The following CRADD variants were observed in gnomAD, a reference collection of about 807,000 sequenced individuals.
The protein encoded by CRADD is death domain-containing protein CRADD.
Under a neutral mutation model 15.5 loss-of-function variants are expected in CRADD, and 9 were observed. That is an observed-to-expected ratio of 0.58 (90% CI 0.35 to 1.01). The LOEUF is 1.01. Ranked by LOEUF, CRADD falls within the 50% of genes least tolerant of loss-of-function variation. The probability of loss-of-function intolerance (pLI) is 0.02; values close to 1 mark genes in which losing one functional copy is unlikely to be tolerated. For synonymous variants in CRADD, 118 were observed against 107.6 expected (o/e 1.10, Z -0.60); for missense variants, 227 against 250.3 (o/e 0.91, Z 0.63).
intron 2 of CRADD, among the ~76,000 whole-genome samples, chr12:93,745,324 G>GA (rs886816890): frequency 6.6e-6 from 1 of 151,880 alleles, no homozygotes; most frequent in East Asian, 1.9e-4. Context: ...GAAATTACTG[G>GA]AAAAAAAATA....
At chr12:93,679,261 C>CAA (rs1331192977) in intron 2 of CRADD, among the ~76,000 whole-genome samples, 189 bp downstream of exon 2, 1 of 152,174 alleles carries the variant, frequency 6.6e-6, no homozygotes, top group Admixed American at 6.5e-5. Context: ...CTTGCTTCAG[C>CAA]CTCCCGAGTT....
At chr12:93,705,031 C>T (rs114802045) in intron 2 of CRADD, among the ~76,000 whole-genome samples, 1,869 of 152,332 alleles carry the variant, frequency 0.012, 28 homozygotes, top group African/African-American at 0.042. Context: ...TTGTTTCTTG[C>T]ACAGCATTTA....
At chr12:93,858,175 C>A (rs1958290329) in intron 2 of CRADD, among the ~76,000 whole-genome samples, 1 of 152,236 alleles carries the variant, frequency 6.6e-6, no homozygotes, top group Admixed American at 6.5e-5. Context: ...ACCCTCCCAA[C>A]ACAAATCCCC....
chr12:93,874,845 C>T lies in CRADD; in HGVS notation c.299-19205C>T, dbSNP rs181224405. Among the ~76,000 whole-genome samples, 232 of 152,014 alleles carry T rather than the reference C, an allele frequency of 1.5e-3. 2 individuals are homozygous for T. Among genetic ancestry groups the T allele is most frequent in the Middle Eastern group, 3.4e-3 (1 of 294 alleles). On this transcript the variant is annotated intron_variant, in intron 2 of 2. Coordinates refer to the CRADD transcript ENST00000548483. ...CTTGTTTTGTGACCTAACATATGGC[C>T]TATCCTTCAGAATGATCAATGTGCT...
chr12:93,685,772 A>T (rs1433551271), intron 2 of CRADD, among the ~76,000 whole-genome samples: 3 of 152,160 alleles, frequency 2.0e-5, no homozygotes, highest in Non-Finnish European at 4.4e-5. Context: ...CGGGCAGATC[A>T]CCTGAGGTCA....
At chr12:93,813,726 T>C (rs1161445742) in intron 2 of CRADD, among the ~76,000 whole-genome samples, 1 of 152,158 alleles carries the variant, frequency 6.6e-6, no homozygotes, top group Non-Finnish European at 1.5e-5. Flanking sequence ...ACCTGGGTTC[T>C]GTGGACATTA....
At chr12:93,817,341 C>T (rs865878189) in intron 2 of CRADD, among the ~76,000 whole-genome samples, 3 of 152,092 alleles carry the variant, frequency 2.0e-5, no homozygotes, top group Admixed American at 6.5e-5. Context: ...GAGTCGGGTT[C>T]GGGACAGGGA....
chr12:93,894,300 T>A, exon 3 of CRADD: 1 of 601,954 alleles, frequency 1.7e-6, no homozygotes, highest in Non-Finnish European at 3.0e-6. Context: ...TATGTTGGCA[T>A]CTAGTGAGTA....
At chr12:93,847,512 A>AC (rs1402434921) in intron 2 of CRADD, among the ~76,000 whole-genome samples, 3 of 148,230 alleles carry the variant, frequency 2.0e-5, no homozygotes, top group Non-Finnish European at 3.0e-5. Context: ...AAAAAAAAAA[A>AC]AAAAAAAAAC....
chr12:93,766,509 G>A (rs1399962418), intron 2 of CRADD, among the ~76,000 whole-genome samples: 1 of 152,208 alleles, frequency 6.6e-6, no homozygotes, highest in Non-Finnish European at 1.5e-5. Context: ...TGTGTTATCT[G>A]ATTTGAACTT....
At chr12:93,845,137 T>A (rs1317894384) in intron 2 of CRADD, among the ~76,000 whole-genome samples, 1 of 152,034 alleles carries the variant, frequency 6.6e-6, no homozygotes, top group African/African-American at 2.4e-5. Context: ...TTAACTCCCC[T>A]CCAAAAGAGG....
chr12:93,788,206 C>T (rs992827193), intron 2 of CRADD, among the ~76,000 whole-genome samples: 2 of 152,164 alleles, frequency 1.3e-5, no homozygotes, highest in South Asian at 2.1e-4. Context: ...GGGGAGGCCT[C>T]GGGAATTATG....
Position 93,835,027 on chromosome 12 carries a change from T to C in CRADD, c.299-14943T>C, listed in dbSNP as rs909675523. Reference sequence around the variant, plus strand: ...AATTCTCTATAAACACTGCATCCTTTATTGCCTGCATCTGAAGCAAACCAT... The same window carrying C: ...AATTCTCTATAAACACTGCATCCTTCATTGCCTGCATCTGAAGCAAACCAT... On this transcript the variant is annotated intron_variant, in intron 2 of 2. Coordinates refer to ENST00000332896, the MANE Select transcript of CRADD (RefSeq NM_003805.5). Among the ~76,000 whole-genome samples the C allele has an allele frequency of 2.6e-5, 4 of 152,390 alleles. No individual in the cohort carries two copies. The East Asian group carries it at 7.7e-4, about 29-fold the overall frequency.
At chr12:93,701,399 T>G (rs1001270796) in intron 2 of CRADD, among the ~76,000 whole-genome samples, 5 of 152,022 alleles carry the variant, frequency 3.3e-5, no homozygotes, top group African/African-American at 9.7e-5. Context: ...GGCCAAGGCT[T>G]CTTCTCTCTT....
At chr12:93,729,049 A>G (rs966858448) in intron 2 of CRADD, among the ~76,000 whole-genome samples, 2 of 152,144 alleles carry the variant, frequency 1.3e-5, no homozygotes, top group African/African-American at 4.8e-5. Flanking sequence ...ATTCATGTAA[A>G]TTTCCACAGC....
chr12:93,689,350 G>A (rs1955512902), intron 2 of CRADD, among the ~76,000 whole-genome samples: 1 of 152,130 alleles, frequency 6.6e-6, no homozygotes, highest in South Asian at 2.1e-4. Context: ...GGGAATGTTT[G>A]CTTTACATAA....
Position 93,850,155 on chromosome 12 carries a change from G to A in CRADD, c.484G>A (p.Glu162Lys), listed in dbSNP as rs750216845. Reference protein sequence around the residue: ...HPHNVQSQVVEAFIRWRQRFG... With the variant: ...HPHNVQSQVVKAFIRWRQRFG... ...CCACAACGTGCAGTCGCAGGTGGTGGAGGCCTTCATCCGTTGGCGGCAGCG... is the reference window on the plus strand; with the variant it reads ...CCACAACGTGCAGTCGCAGGTGGTGAAGGCCTTCATCCGTTGGCGGCAGCG... Residue 162 changes from glutamate to lysine, a missense_variant, in exon 3 of 3, where the codon GAG (glutamate) becomes AAG (lysine). Transcript: ENST00000332896. The surrounding 1 kb of genome is among the most constrained non-coding windows in gnomAD (Gnocchi z 4.0). The A allele has an allele frequency of 1.9e-6, 3 of 1,613,870 alleles. No individual in the cohort carries two copies. Among genetic ancestry groups the A allele is most frequent in the South Asian group, 1.1e-5 (1 of 91,068 alleles).
chr12:93,769,014 G>A (rs1470141792), intron 2 of CRADD, among the ~76,000 whole-genome samples: 1 of 151,810 alleles, frequency 6.6e-6, no homozygotes, highest in Non-Finnish European at 1.5e-5. Context: ...TCTCATTGCA[G>A]TTTATTATTT....
intron 2 of CRADD, among the ~76,000 whole-genome samples, chr12:93,808,654 C>T (rs1253133333): frequency 1.3e-5 from 2 of 152,110 alleles, no homozygotes; most frequent in East Asian, 1.9e-4. Context: ...CTCTGCATTG[C>T]CTCTTATCAG....
Sources: gnomAD v4.1 joint callset for allele counts (sites outside exome capture counted in the v4.1 genomes callset) on GRCh38, gnomAD v4.1.1 for gene constraint, Gnocchi (gnomAD v3.1) non-coding constraint, MANE v1.5 for transcripts, NCBI Gene and HGNC (gene_info 2026-07-23, HGNC 2026-07-21) for gene names.